Variants in EYS observed in about 807,000 individuals in gnomAD.
EYS encodes the protein protein eyes shut homolog.
Under a neutral mutation model 282.1 loss-of-function variants are expected in EYS, and 250 were observed. The observed-to-expected ratio is 0.89, with a 90% CI of 0.80 to 0.98. EYS has a LOEUF of 0.98. Ranked by LOEUF, EYS falls within the 50% of genes least tolerant of loss-of-function variation. The pLI is 0.00. For missense variants in EYS, 4,016 were observed against 3,709.0 expected (o/e 1.08, Z -2.15); for synonymous variants, 1,355 against 1,282.9 (o/e 1.06, Z -1.20).
At chr6:65,557,918 T>A (rs903754071) in intron 2 of EYS, among the ~76,000 whole-genome samples, 2 of 152,048 alleles carry the variant, frequency 1.3e-5, no homozygotes, top group Admixed American at 1.3e-4. Context: ...AGTGTCTGAA[T>A]CTGGCTGAGT....
chr6:64,269,992 T>C (rs1405745860), intron 30 of EYS, among the ~76,000 whole-genome samples: 1 of 152,144 alleles, frequency 6.6e-6, no homozygotes, highest in Non-Finnish European at 1.5e-5. Flanking sequence ...TTACTGAATA[T>C]CAACATACTT....
intron 5 of EYS, among the ~76,000 whole-genome samples, chr6:65,465,702 A>T (rs1333685436): frequency 6.6e-6 from 1 of 152,140 alleles, no homozygotes; most frequent in Non-Finnish European, 1.5e-5. Context: ...CAGGCCACGC[A>T]TGGTCGCTTA....
chr6:64,848,341 G>T (rs2150039852), intron 19 of EYS, among the ~76,000 whole-genome samples: 1 of 151,986 alleles, frequency 6.6e-6, no homozygotes, highest in Admixed American at 6.6e-5. Flanking sequence ...AAAATCAAAT[G>T]TTTATATATA....
intron 26 of EYS, among the ~76,000 whole-genome samples, chr6:64,441,758 T>A (rs1774957517): frequency 6.6e-6 from 1 of 152,202 alleles, no homozygotes; most frequent in Non-Finnish European, 1.5e-5. Context: ...GCACAAGCTA[T>A]CTCTGCCTGC....
rs1156732756 is a variant in EYS, at chr6:65,556,797, T to C, written c.-332-60804A>G. Reference sequence around the variant, plus strand: ...TCACTTAAGGTTGCTGGTACTTTTATCTTGTCCAATGTTACTGTCTTTTCA... The same window carrying C: ...TCACTTAAGGTTGCTGGTACTTTTACCTTGTCCAATGTTACTGTCTTTTCA... On this transcript the variant is annotated intron_variant, in intron 2 of 42. Transcript: ENST00000503581. Among the ~76,000 whole-genome samples the C allele has an allele frequency of 5.3e-5, 8 of 152,286 alleles. No homozygotes were observed. The South Asian group carries it at 6.2e-4, about 12-fold the overall frequency.
At position 65,184,249 on chromosome 6, in the gene EYS, G is replaced by A. The variant is rs540209459; in HGVS notation, c.2023+111614C>T. The stretch of plus-strand genomic sequence containing the variant: ...TAGTTCTGGAGGCTGGGAACTCCAA[G>A]ATCAAGCGGCCAGCATTTGATTAGA... On this transcript the variant is annotated intron_variant, in intron 12 of 42. Transcript: ENST00000503581. Among the ~76,000 whole-genome samples, 228 of 152,034 alleles carry A rather than the reference G, an allele frequency of 1.5e-3. 2 individuals carry two copies. Among genetic ancestry groups the A allele is most frequent in the Middle Eastern group, 0.014 (4 of 294 alleles).
chr6:64,502,748 C>T (rs1361447936), intron 26 of EYS, among the ~76,000 whole-genome samples: 1 of 151,444 alleles, frequency 6.6e-6, no homozygotes, highest in Non-Finnish European at 1.5e-5. Flanking sequence ...TAACATAAAT[C>T]CATCCATCAA....
chr6:64,076,374 G>A (rs945490102), intron 32 of EYS, among the ~76,000 whole-genome samples: 2 of 152,066 alleles, frequency 1.3e-5, no homozygotes, highest in Admixed American at 6.6e-5. Flanking sequence ...GTTCTGAGGA[G>A]AGTGGGGAGA....
At chr6:64,272,460 T>G (rs771888054) in intron 30 of EYS, among the ~76,000 whole-genome samples, 6 of 152,192 alleles carry the variant, frequency 3.9e-5, no homozygotes, top group Non-Finnish European at 8.8e-5. Flanking sequence ...CTCTTGTAAG[T>G]CAGCCTGGTG....
chr6:64,540,629 T>G (rs927007661), intron 26 of EYS, among the ~76,000 whole-genome samples: 2 of 151,852 alleles, frequency 1.3e-5, no homozygotes, highest in Non-Finnish European at 2.9e-5. Flanking sequence ...ATCACAGGCA[T>G]GCACCGCCAC....
intron 2 of EYS, among the ~76,000 whole-genome samples, chr6:65,527,318 A>T (rs1012588227): frequency 5.3e-5 from 8 of 152,180 alleles, no homozygotes; most frequent in Non-Finnish European, 8.8e-5. Flanking sequence ...TGGTAGAGAA[A>T]TATACTGGGG....
chr6:65,190,505 C>G (rs56219837), intron 12 of EYS, among the ~76,000 whole-genome samples: 3 of 151,080 alleles, frequency 2.0e-5, no homozygotes, highest in Non-Finnish European at 4.4e-5. Flanking sequence ...CTGTGTCTGA[C>G]GAATAAGTTG....
At chr6:64,114,062 C>A (rs185851238) in intron 31 of EYS, among the ~76,000 whole-genome samples, 18 of 152,142 alleles carry the variant, frequency 1.2e-4, no homozygotes, top group Admixed American at 6.5e-5. Context: ...AAAAAACTTA[C>A]CAGCCTTTGT....
intron 32 of EYS, among the ~76,000 whole-genome samples, chr6:64,078,344 C>T (rs1771842651): frequency 1.3e-5 from 2 of 152,050 alleles, no homozygotes; most frequent in African/African-American, 2.4e-5. Context: ...TGCTCCTACA[C>T]ATAATATACT....
At chr6:64,997,403 T>C (rs564222990) in intron 14 of EYS, among the ~76,000 whole-genome samples, 179 bp downstream of exon 14, 1 of 151,560 alleles carries the variant, frequency 6.6e-6, no homozygotes, top group African/African-American at 2.4e-5. Context: ...GAACATGTTT[T>C]ACTACCTTTA....
At chr6:65,174,393 G>C (rs1290837928) in intron 12 of EYS, among the ~76,000 whole-genome samples, 1 of 151,220 alleles carries the variant, frequency 6.6e-6, no homozygotes, top group Non-Finnish European at 1.5e-5. Flanking sequence ...AAAAATATTT[G>C]TAATTTCTCT....
intron 5 of EYS, among the ~76,000 whole-genome samples, chr6:65,459,096 T>C (rs1317555391): frequency 2.0e-5 from 3 of 152,240 alleles, no homozygotes; most frequent in African/African-American, 4.8e-5. Context: ...ACTTTTGCTA[T>C]GATAGAATTA....
intron 2 of EYS, among the ~76,000 whole-genome samples, chr6:65,578,852 T>C (rs1329986389): frequency 6.6e-6 from 1 of 152,104 alleles, no homozygotes; most frequent in African/African-American, 2.4e-5. Context: ...TTAATCCTTT[T>C]ATAAAATGTT....
intron 41 of EYS, among the ~76,000 whole-genome samples, chr6:63,753,144 A>ATATATATATATATATATATATATG (rs1554166859): frequency 3.6e-4 from 27 of 74,454 alleles, no homozygotes; most frequent in African/African-American, 1.9e-3. Context: ...GTGTGTGTAT[A>ATATATATATATATATATATATATG]TATATATATA....
Sources: gnomAD v4.1 joint callset for allele counts (sites outside exome capture counted in the v4.1 genomes callset) on GRCh38, gnomAD v4.1.1 for gene constraint, MANE v1.5 for transcripts, NCBI Gene and HGNC (gene_info 2026-07-23, HGNC 2026-07-21) for gene names.